The following INKA2 variants were observed in gnomAD, a reference collection of about 807,000 sequenced individuals.
INKA2 encodes PAK4-inhibitor INKA2.
A neutral mutation model predicts 9.8 loss-of-function variants in INKA2; 3 were observed. The ratio of observed to expected loss-of-function variants is 0.31; its 90% CI spans 0.14 to 0.79. The LOEUF (loss-of-function observed/expected upper bound fraction) is 0.79. Among genes scored for constraint, INKA2 ranks in the 30% least tolerant of loss-of-function variants. The pLI, the probability that INKA2 is intolerant of heterozygous loss-of-function variation, is 0.62. For missense variants in INKA2, 392 were observed against 384.4 expected (o/e 1.02, Z -0.17); for synonymous variants, 147 against 143.3 (o/e 1.03, Z -0.18).
chr1:111,740,746 G>C (rs1663127002), upstream of INKA2, among the ~76,000 whole-genome samples: 1 of 152,124 alleles, frequency 6.6e-6, no homozygotes, highest in South Asian at 2.1e-4. Flanking sequence ...GCCGAGACGG[G>C]TGGATCACTT....
intron 1 of INKA2, chr1:111,746,859 G>C (rs938847850): frequency 1.3e-5 from 2 of 152,214 alleles, no homozygotes; most frequent in Non-Finnish European, 2.9e-5. Context: ...AACTGGCTCT[G>C]GTTCCAGAAT....
In INKA2 at chr1:111,737,659, A is replaced by G. The variant is rs1373911811; in HGVS notation, c.57+1527T>C. ...CCAATCTGGCATGAGAAGCATGTGCAAACGACTATGGGAAGGGACATGGCG... is the reference window on the plus strand; with the variant it reads ...CCAATCTGGCATGAGAAGCATGTGCGAACGACTATGGGAAGGGACATGGCG... On this transcript the variant is annotated intron_variant, in intron 1 of 1. Transcript: ENST00000357260. Among the ~76,000 whole-genome samples, 3 of 152,236 alleles carry G rather than the reference A, an allele frequency of 2.0e-5. No individual in the cohort carries two copies. The East Asian group carries it at 5.8e-4, about 29-fold the overall frequency.
chr1:111,734,448 G>GTAA (rs1248154878), intron 1 of INKA2, among the ~76,000 whole-genome samples: 2 of 151,590 alleles, frequency 1.3e-5, no homozygotes, highest in Non-Finnish European at 2.9e-5. Flanking sequence ...CCTGACTCTT[G>GTAA]TAATAACCTT....
chr1:111,727,049 C>T lies in INKA2; in HGVS notation c.813G>A (p.Gly271=). 1 of 1,614,064 alleles carries T rather than the reference C, an allele frequency of 6.2e-7. No individual in the cohort carries two copies. Among genetic ancestry groups the T allele is most frequent in the Non-Finnish European group, 8.5e-7 (1 of 1,180,026 alleles). ...PFPGTGEHRR[G]ENPPTSCPKA... is the part of the protein sequence containing the mutation. ...TGGGGCAGCTTGTGGGGGGATTCTCCCCTCGCCTGTGCTCCCCGGTGCCTG... is the reference window on the plus strand; with the variant it reads ...TGGGGCAGCTTGTGGGGGGATTCTCTCCTCGCCTGTGCTCCCCGGTGCCTG... The change falls in exon 2 of 2, where the codon GGG becomes GGA. Residue 271 remains glycine (G), a synonymous_variant. Coordinates refer to ENST00000357260, the MANE Select transcript of INKA2 (RefSeq NM_019099.5).
At position 111,739,308 on chromosome 1, in the gene INKA2, C is replaced by T. The variant is rs1663086399; in HGVS notation, c.-66G>A. 6.2e-7 allele frequency: 1 copy of T among 1,602,726 alleles called. No homozygotes were observed. The highest frequency in any genetic ancestry group is 1.7e-5 in the Admixed American group (1 of 58,818). ...GGTGAAACCCCGGCCCCACTGGAAA[C>T]TGCGCTCCGGGCCGGCTCCCCGCCC... On this transcript the variant is annotated 5_prime_UTR_variant, in exon 1 of 2. Coordinates refer to ENST00000357260, the MANE Select transcript of INKA2 (RefSeq NM_019099.5).
chr1:111,739,820 C>T (rs1021795758), upstream of INKA2: 6 of 152,708 alleles, frequency 3.9e-5, no homozygotes, highest in African/African-American at 1.2e-4. Context: ...CCAGAAGTCC[C>T]TCAGAAGCTC....
intron 1 of INKA2, among the ~76,000 whole-genome samples, chr1:111,751,352 A>G (rs1361967216): frequency 3.3e-5 from 5 of 152,244 alleles, no homozygotes; most frequent in Non-Finnish European, 7.3e-5. Context: ...CCACACTTTG[A>G]ACAACTAAGG....
Position 111,750,801 on chromosome 1 carries a change from TG to T in INKA2, n.124+4899del, listed in dbSNP as rs575367865. Among the ~76,000 whole-genome samples, 587 of 152,350 alleles carry T rather than the reference TG, an allele frequency of 3.9e-3. 4 individuals carry two copies. The highest frequency in any genetic ancestry group is 0.014 in the African/African-American group (571 of 41,582). On this transcript the variant is annotated intron_variant and non_coding_transcript_variant, in intron 1 of 1. Transcript: ENST00000444059. ...CATTTCCAGCTGTATTTCTCTTTAC[TG>T]CTAAATAACACTACCCCCCTTTGGA...
rs114114341 is a variant in INKA2 at position 111,751,212 on chromosome 1, C to T, written n.124+4489G>A. Among the ~76,000 whole-genome samples, 741 of 152,318 alleles carry T rather than the reference C, an allele frequency of 4.9e-3. 6 individuals carry two copies. Among genetic ancestry groups the T allele is most frequent in the African/African-American group, 0.016 (672 of 41,554 alleles). Reference sequence around the variant, plus strand: ...ATGTGCAGTTGTTCTCTCATACTTCCATACATACTTGAAGCAACTTTGATT... The same window carrying T: ...ATGTGCAGTTGTTCTCTCATACTTCTATACATACTTGAAGCAACTTTGATT... On this transcript the variant is annotated intron_variant and non_coding_transcript_variant, in intron 1 of 1. Transcript: ENST00000444059.
At chr1:111,754,963 C>T (rs2101408199) in intron 1 of INKA2, 1 of 95,306 alleles carries the variant, frequency 1.0e-5, no homozygotes, top group South Asian at 2.8e-4. Context: ...ACAGAGCTGT[C>T]TTAGGGTGTT....
rs779642910 is a variant in INKA2, at chr1:111,750,089, C to T, written n.124+5612G>A. ...CCCTTTCTCGAAAGAAGAGCAAACA[C>T]GCCACCTTCCTCCCTAAAGACTGAG... is the stretch of plus-strand genomic sequence containing the variant. On this transcript the variant is annotated intron_variant and non_coding_transcript_variant, in intron 1 of 1. Transcript: ENST00000444059. Among the ~76,000 whole-genome samples the T allele has an allele frequency of 5.3e-5, 8 of 152,240 alleles. No individual in the cohort carries two copies. The East Asian group carries it at 1.2e-3, about 22-fold the overall frequency.
chr1:111,750,578 C>T (rs1281212048), intron 1 of INKA2, among the ~76,000 whole-genome samples: 1 of 152,158 alleles, frequency 6.6e-6, no homozygotes, highest in African/African-American at 2.4e-5. Flanking sequence ...GCAGCATGTA[C>T]ATAGGGGTGG....
In INKA2 at chr1:111,722,968, A is replaced by G. The variant is rs1662680178; in HGVS notation, c.*4000T>C. 1.5e-6 allele frequency: 1 copy of G among 661,166 alleles called. No individual in the cohort carries two copies. Among genetic ancestry groups the G allele is most frequent in the African/African-American group, 1.8e-5 (1 of 55,286 alleles). The allele number at this position is 661,166 out of a possible 1,614,324, so 41.0% of individuals were successfully genotyped here. On this transcript the variant is annotated 3_prime_UTR_variant, in exon 2 of 2. Transcript: ENST00000357260. ...TTAAATCTCACAGCAGCCCCACATT[A>G]TCACCTTTCACAGATGAGAAACACA...
chr1:111,740,971 T>TAAAAAAAAAAAAA (rs869221820), upstream of INKA2, among the ~76,000 whole-genome samples: 2 of 38,384 alleles, frequency 5.2e-5, 1 homozygote, highest in Non-Finnish European at 9.9e-5. Context: ...AAACTCCGTT[T>TAAAAAAAAAAAAA]AAAAAAAAAA....
At chr1:111,742,394 G>C (rs1290609936), upstream of INKA2, among the ~76,000 whole-genome samples, 1 of 152,138 alleles carries the variant, frequency 6.6e-6, no homozygotes, top group Admixed American at 6.5e-5. Flanking sequence ...AGACCAGCCT[G>C]GCTAATATGG....
rs1396049532 is a variant in INKA2 at position 111,726,993 on chromosome 1, T to A, written c.869A>T (p.Asp290Val). ...KALEHSPSGFDINTAVWV is the reference protein window; with the variant it reads ...KALEHSPSGFVINTAVWV ...TCAGACCCAAACAGCTGTGTTAATA[T>A]CAAATCCTGAGGGTGAGTGCTCCAG... The change falls in exon 2 of 2, where the codon GAT (aspartate) becomes GTT (valine). Residue 290 changes from aspartate to valine, a missense_variant. By Grantham distance (152) the Asp-to-Val change is radical (BLOSUM62 -3). Coordinates refer to ENST00000357260, the MANE Select transcript of INKA2 (RefSeq NM_019099.5). 6.2e-7 allele frequency: 1 copy of A among 1,613,702 alleles called. No individual in the cohort carries two copies. Among genetic ancestry groups the A allele is most frequent in the South Asian group, 1.1e-5 (1 of 91,018 alleles).
intron 1 of INKA2, among the ~76,000 whole-genome samples, chr1:111,728,416 G>A (rs1662839321): frequency 6.6e-6 from 1 of 152,170 alleles, no homozygotes; most frequent in South Asian, 2.1e-4. Context: ...TGGAAGGGGT[G>A]AAGTAACTTA....
rs3085876 is a variant in INKA2 at position 111,732,568 on chromosome 1, TACAC to T, written c.58-4768_58-4765del. 5.4e-3 allele frequency among the ~76,000 whole-genome samples: 776 copies of T among 142,934 alleles called. 31 individuals carry two copies. In the East Asian group the frequency reaches 0.11, roughly 20 times the overall value. 93.8% of individuals were successfully genotyped at this position (142,934 alleles called of 152,430 possible). On this transcript the variant is annotated intron_variant, in intron 1 of 1. Transcript: ENST00000357260. ...ACCCACTCCTAGTCTCTCTCTCTGT[TACAC>T]ACACACACACACACACACACACACA...
chr1:111,738,848 C>T (rs1457069949), intron 1 of INKA2, among the ~76,000 whole-genome samples: 1 of 152,192 alleles, frequency 6.6e-6, no homozygotes, highest in African/African-American at 2.4e-5. Context: ...GCGTCGGCGG[C>T]GCGGGGGCCC....
Sources: allele counts gnomAD v4.1 joint callset (sites outside exome capture counted in the v4.1 genomes callset), GRCh38; gene constraint gnomAD v4.1.1; transcripts MANE v1.5; gene names NCBI Gene and HGNC (gene_info 2026-07-23, HGNC 2026-07-21).